Variants in PACRG observed in about 807,000 individuals in gnomAD.
PACRG encodes parkin coregulated.
A neutral mutation model predicts 29.7 loss-of-function variants in PACRG; 29 were observed. That is an observed-to-expected ratio of 0.98 (90% CI 0.73 to 1.33). The LOEUF (loss-of-function observed/expected upper bound fraction) is 1.33, where lower values mean the gene tolerates loss of function less well. PACRG is among the 40% of genes most tolerant of loss of function. PACRG has a pLI of 0.00. For missense variants in PACRG, 279 were observed against 316.2 expected, an observed-to-expected ratio of 0.88 and a Z score of 0.89; for synonymous variants, 116 against 118.7, an observed-to-expected ratio of 0.98 and a Z score of 0.15.
intron 1 of PACRG, among the ~76,000 whole-genome samples, chr6:162,752,013 A>T (rs777205151): frequency 1.3e-5 from 2 of 152,152 alleles, no homozygotes; most frequent in Non-Finnish European, 2.9e-5. Context: ...TCATACTTAC[A>T]TGGCACATCT....
intron 2 of PACRG, among the ~76,000 whole-genome samples, chr6:162,995,179 T>C (rs1433019037): frequency 2.0e-5 from 3 of 149,598 alleles, no homozygotes; most frequent in Admixed American, 2.0e-4. Flanking sequence ...CTGCAGAGGT[T>C]ACTGCTGTCT....
intron 1 of PACRG, among the ~76,000 whole-genome samples, chr6:162,774,824 G>A (rs1010503114): frequency 6.6e-6 from 1 of 152,002 alleles, no homozygotes; most frequent in African/African-American, 2.4e-5. Flanking sequence ...TATTATTCCA[G>A]ACATCAGAAT....
At chr6:162,871,893 G>A (rs1027331683) in intron 2 of PACRG, among the ~76,000 whole-genome samples, 1 of 151,248 alleles carries the variant, frequency 6.6e-6, no homozygotes, top group Non-Finnish European at 1.5e-5. Flanking sequence ...CTCCAGCCTG[G>A]GTGACAGAGC....
intron 2 of PACRG, among the ~76,000 whole-genome samples, chr6:162,948,760 C>T (rs1011340780): frequency 6.6e-6 from 1 of 151,944 alleles, no homozygotes; most frequent in Non-Finnish European, 1.5e-5. Context: ...AAAGGACAAA[C>T]AAATGGCCAA....
chr6:163,084,672 C>A (rs1237947421), intron 3 of PACRG, among the ~76,000 whole-genome samples: 1 of 151,952 alleles, frequency 6.6e-6, no homozygotes, highest in Non-Finnish European at 1.5e-5. Context: ...CATGTTAATT[C>A]AGGCAAGGTT....
chr6:162,983,763 G>T (rs1202393243), intron 2 of PACRG, among the ~76,000 whole-genome samples: 4 of 151,894 alleles, frequency 2.6e-5, no homozygotes, highest in Admixed American at 6.6e-5. Context: ...TTGACTTTAG[G>T]TAACCTGATG....
intron 4 of PACRG, among the ~76,000 whole-genome samples, chr6:163,134,751 C>A (rs910252799): frequency 4.6e-5 from 7 of 152,306 alleles, no homozygotes; most frequent in African/African-American, 1.7e-4. Context: ...ACTACTACTA[C>A]TAATGGACTA....
intron 1 of PACRG, among the ~76,000 whole-genome samples, chr6:162,729,926 G>T (rs1166240644): frequency 6.6e-6 from 1 of 151,908 alleles, no homozygotes; most frequent in Non-Finnish European, 1.5e-5. Context: ...ACTTAATTGA[G>T]ATCCATTATC....
intron 2 of PACRG, among the ~76,000 whole-genome samples, chr6:162,875,397 TCACA>T: frequency 6.6e-6 from 1 of 151,228 alleles, no homozygotes; most frequent in African/African-American, 2.4e-5. Context: ...ACACAGAAAT[TCACA>T]CACAGACATT....
intron 2 of PACRG, among the ~76,000 whole-genome samples, chr6:162,974,208 G>A (rs1014349672): frequency 7.2e-5 from 11 of 152,100 alleles, no homozygotes; most frequent in Non-Finnish European, 1.2e-4. Context: ...GATGGAGGGC[G>A]GCTGCCACCA....
At chr6:163,149,631 C>G (rs1445268146) in intron 4 of PACRG, among the ~76,000 whole-genome samples, 1 of 152,162 alleles carries the variant, frequency 6.6e-6, no homozygotes, top group Non-Finnish European at 1.5e-5. Flanking sequence ...CTCCCCCGGG[C>G]TGCGGGTGCT....
In PACRG at chr6:162,814,223, G is replaced by A. The variant is rs771908101; in HGVS notation, c.233G>A (p.Arg78Gln). Residue 78 changes from arginine to glutamine, a missense_variant, in exon 2 of 5, where the codon CGA becomes CAA. By Grantham distance (43) the Arg-to-Gln change is conservative. Transcript: ENST00000366888. ...KPTAFRKFYE[R>Q]GDFPIALEHD... ...ACAGCATTTCGAAAATTCTATGAGC[G>A]AGGTGACTTCCCAATTGCCCTTGAG... 121 of 1,613,672 alleles carry A rather than the reference G, an allele frequency of 7.5e-5. No individual in the cohort carries two copies. Among genetic ancestry groups the A allele is most frequent in the African/African-American group, 1.3e-5 (1 of 74,862 alleles).
intron 2 of PACRG, among the ~76,000 whole-genome samples, chr6:162,883,402 C>A (rs537058141): frequency 6.6e-6 from 1 of 152,236 alleles, no homozygotes; most frequent in East Asian, 1.9e-4. Context: ...TTGCTGATGA[C>A]GTACCAAATA....
At chr6:163,269,849 GAA>G (rs1336801032) in intron 4 of PACRG, among the ~76,000 whole-genome samples, 16 of 63,030 alleles carry the variant, frequency 2.5e-4, no homozygotes, top group Non-Finnish European at 3.5e-4. Context: ...AAGAAAGAAA[GAA>G]AGAAAGAGAA....
At chr6:162,785,032 C>T (rs937154045) in intron 1 of PACRG, among the ~76,000 whole-genome samples, 1 of 152,080 alleles carries the variant, frequency 6.6e-6, no homozygotes, top group Admixed American at 6.5e-5. Context: ...CCCAATGAAA[C>T]TTCTCATTGG....
chr6:163,017,266 A>G (rs1806199295), intron 2 of PACRG, among the ~76,000 whole-genome samples: 1 of 152,180 alleles, frequency 6.6e-6, no homozygotes. Flanking sequence ...GGGGGGAGAT[A>G]CAGCTCCAAG....
At chr6:163,042,616 A>G (rs1454530385) in intron 2 of PACRG, 1 of 152,008 alleles carries the variant, frequency 6.6e-6, no homozygotes, top group African/African-American at 2.4e-5. Flanking sequence ...ATTACAACCC[A>G]GTGGACTGGC....
chr6:162,958,869 A>AT (rs945124868), intron 2 of PACRG, among the ~76,000 whole-genome samples: 4 of 69,750 alleles, frequency 5.7e-5, no homozygotes, highest in Non-Finnish European at 1.0e-4. Flanking sequence ...ATATATATAT[A>AT]TATATATATA....
intron 4 of PACRG, among the ~76,000 whole-genome samples, chr6:163,208,299 T>G (rs1780990865): frequency 6.6e-6 from 1 of 152,206 alleles, no homozygotes; most frequent in Admixed American, 6.5e-5. Context: ...TCTTCTTTTC[T>G]TGTCCTAAGA....
Sources: allele counts gnomAD v4.1 joint callset (sites outside exome capture counted in the v4.1 genomes callset), GRCh38; gene constraint gnomAD v4.1.1; transcripts MANE v1.5; gene names NCBI Gene and HGNC (gene_info 2026-07-23, HGNC 2026-07-21).